OSBPL11: variants seen among roughly 807,000 people sequenced by gnomAD.
OSBPL11 encodes oxysterol binding protein like 11.
In OSBPL11, 33 loss-of-function variants were observed where a neutral mutation model predicts 84.4. The observed-to-expected ratio is 0.39, with a 90% CI of 0.30 to 0.52. OSBPL11 has a LOEUF of 0.52. OSBPL11 is among the 20% of genes least tolerant of loss of function. OSBPL11 has a pLI of 0.72. For missense variants in OSBPL11, 736 were observed against 901.1 expected (o/e 0.82, Z 2.35); for synonymous variants, 276 against 310.2 (o/e 0.89, Z 1.16).
At chr3:125,565,215 G>A (rs1010408248) in intron 6 of OSBPL11, among the ~76,000 whole-genome samples, 2 of 152,042 alleles carry the variant, frequency 1.3e-5, no homozygotes, top group Non-Finnish European at 2.9e-5. Context: ...CTGCACTCCC[G>A]CCTGGGCAAC....
chr3:125,579,599 T>G (rs1278955126), intron 3 of OSBPL11, among the ~76,000 whole-genome samples: 1 of 152,348 alleles, frequency 6.6e-6, no homozygotes, highest in East Asian at 1.9e-4. Flanking sequence ...AGTCTATGTT[T>G]CTAGATTTTC....
intron 11 of OSBPL11, among the ~76,000 whole-genome samples, chr3:125,535,117 C>G (rs1332998889): frequency 6.6e-6 from 1 of 151,768 alleles, no homozygotes; most frequent in South Asian, 2.1e-4. Flanking sequence ...TTTAGTCACA[C>G]TGATGAGAAA....
intron 1 of OSBPL11, among the ~76,000 whole-genome samples, chr3:125,584,669 G>C (rs775936809): frequency 2.0e-5 from 3 of 152,156 alleles, no homozygotes; most frequent in Non-Finnish European, 2.9e-5. Context: ...CTTTAAGACT[G>C]TATGTATTCT....
At position 125,530,579 on chromosome 3, in the gene OSBPL11, C is replaced by A; in HGVS notation, c.2180G>T (p.Gly727Val). Reference protein sequence around the residue: ...PWKTKYFIKEGDGWVYHKPLW... With the variant: ...PWKTKYFIKEVDGWVYHKPLW... ...TGGTTTATGATAAACCCAGCCATCT[C>A]CCTGAAACAAATAAAAAGATAAAGA... is the stretch of plus-strand genomic sequence containing the variant. Residue 727 changes from glycine (G) to valine (V), a missense_variant and splice_region_variant, in exon 13 of 13, where the codon GGA (glycine) becomes GTA (valine). By Grantham distance (109) the Gly-to-Val change is moderately radical. Coordinates refer to ENST00000296220, the MANE Select transcript of OSBPL11 (RefSeq NM_022776.5). The A allele has an allele frequency of 1.9e-6, 3 of 1,612,168 alleles. No homozygotes were observed. In the South Asian group the frequency reaches 3.3e-5, roughly 18 times the overall value.
At chr3:125,567,064 G>A (rs757317870) in intron 6 of OSBPL11, among the ~76,000 whole-genome samples, 4 of 152,138 alleles carry the variant, frequency 2.6e-5, no homozygotes, top group Admixed American at 6.5e-5. Flanking sequence ...TTGGTCAACT[G>A]GATGAACAGA....
At chr3:125,572,686 C>T (rs555306101) in intron 5 of OSBPL11, among the ~76,000 whole-genome samples, 38 of 151,986 alleles carry the variant, frequency 2.5e-4, no homozygotes, top group Admixed American at 1.4e-3. Context: ...CCTTGCCTTC[C>T]GCCATGATTG....
intron 4 of OSBPL11, among the ~76,000 whole-genome samples, chr3:125,577,214 T>TA (rs994005092): frequency 9.4e-5 from 14 of 149,270 alleles, no homozygotes; most frequent in South Asian, 4.2e-4. Flanking sequence ...GAAGAACGAT[T>TA]AAAAAAAAAA....
intron 4 of OSBPL11, among the ~76,000 whole-genome samples, chr3:125,577,222 A>T (rs1936339531): frequency 6.6e-6 from 1 of 152,212 alleles, no homozygotes; most frequent in Non-Finnish European, 1.5e-5. Flanking sequence ...ATTAAAAAAA[A>T]AATAGTAAAA....
rs766860792 is a variant in OSBPL11, at chr3:125,582,894, A to T, written c.233+16T>A. 3 of 1,565,002 alleles carry T rather than the reference A, an allele frequency of 1.9e-6. No individual in the cohort carries two copies. The highest frequency in any genetic ancestry group is 2.6e-6 in the Non-Finnish European group (3 of 1,148,050). On this transcript the variant is annotated intron_variant, in intron 2 of 12. Coordinates refer to ENST00000296220, the MANE Select transcript of OSBPL11 (RefSeq NM_022776.5). Reference sequence around the variant, plus strand: ...CTCTTAGGAGAGACTGATGTGACACAAATAATCACACTTACCTGTACTGCC... The same window carrying T: ...CTCTTAGGAGAGACTGATGTGACACTAATAATCACACTTACCTGTACTGCC...
rs532130436 is a variant in OSBPL11 at position 125,547,542 on chromosome 3, A to C, written c.1705T>G (p.Cys569Gly). The C allele has an allele frequency of 1.2e-6, 2 of 1,613,704 alleles. No individual in the cohort carries two copies. Among genetic ancestry groups the C allele is most frequent in the African/African-American group, 2.7e-5 (2 of 75,048 alleles). ...GTCAAAATTGACCGAGCATATGCAC[A>C]GGGTAGAGAAAATGTGTACTCTTCT... ...HGEEYTFSLP[C>G]AYARSILTVP... The change falls in exon 10 of 13, where the codon TGT becomes GGT. Residue 569 changes from cysteine to glycine, a missense_variant. By Grantham distance (159) the Cys-to-Gly change is radical. Around this residue, in one of 3 missense-constraint regions of OSBPL11, gnomAD observed 579 missense variants for 717.6 expected, o/e 0.81. Coordinates refer to ENST00000296220, the MANE Select transcript of OSBPL11 (RefSeq NM_022776.5).
In OSBPL11 at chr3:125,595,060, G is replaced by A. The variant is rs7625936; in HGVS notation, c.-260C>T. 111,107 of 392,890 alleles carry A rather than the reference G, an allele frequency of 0.28. 16,452 individuals carry two copies. Among genetic ancestry groups the A allele is most frequent in the African/African-American group, 0.37 (18,475 of 49,580 alleles). The allele number at this position is 392,890 out of a possible 1,614,324, so 24.3% of individuals were successfully genotyped here. On this transcript the variant is annotated 5_prime_UTR_variant, in exon 1 of 13. Coordinates refer to ENST00000296220, the MANE Select transcript of OSBPL11 (RefSeq NM_022776.5). ...CTCTCCTTTCCGGCAAAAGCAAGGA[G>A]GAAAAAGCATCCGGCGAGAAGACTT...
Position 125,578,910 on chromosome 3 carries a change from A to T in OSBPL11, c.489+50T>A, listed in dbSNP as rs750670467. On this transcript the variant is annotated intron_variant, in intron 4 of 12. Transcript: ENST00000296220. ...AATTTTAAAAGGCAAAAAATAAAAA[A>T]TATTCCTTCCTCATTTTTGTATATT... is the stretch of plus-strand genomic sequence containing the variant. 3.3e-5 allele frequency: 40 copies of T among 1,219,070 alleles called. 1 individual carries two copies. The highest frequency in any genetic ancestry group is 4.5e-5 in the Non-Finnish European group (40 of 882,434). 75.5% of individuals were successfully genotyped at this position (1,219,070 alleles called of 1,614,324 possible).
rs1935518431 is a variant in OSBPL11, at chr3:125,529,035, T to A, written c.*1480A>T. On this transcript the variant is annotated 3_prime_UTR_variant, in exon 13 of 13. Coordinates refer to ENST00000296220, the MANE Select transcript of OSBPL11 (RefSeq NM_022776.5). ...ACAATTTGTTGAAAAAATTATTGTT[T>A]TGCTGTTTTCATCCTACTAACCTCT... is the stretch of plus-strand genomic sequence containing the variant. The A allele has an allele frequency of 6.5e-6, 1 of 152,686 alleles. No homozygotes were observed. The allele number at this position is 152,686 out of a possible 1,614,324, so 9.5% of individuals were successfully genotyped here.
intron 1 of OSBPL11, among the ~76,000 whole-genome samples, chr3:125,586,409 TAA>T (rs1936511463): frequency 6.6e-6 from 1 of 152,258 alleles, no homozygotes; most frequent in African/African-American, 2.4e-5. Flanking sequence ...TAAACTGTGC[TAA>T]GTGGCTTTAT....
intron 1 of OSBPL11, among the ~76,000 whole-genome samples, chr3:125,592,605 G>A (rs1936614358): frequency 6.6e-6 from 1 of 152,136 alleles, no homozygotes; most frequent in Non-Finnish European, 1.5e-5. Context: ...AGCATTTCCA[G>A]AGAAGGAAAC....
At chr3:125,555,413 T>C (rs567365826) in intron 8 of OSBPL11, among the ~76,000 whole-genome samples, 104 of 152,314 alleles carry the variant, frequency 6.8e-4, no homozygotes, top group African/African-American at 2.5e-3. Context: ...CTCTTATTTC[T>C]GTCCTTCTAG....
intron 8 of OSBPL11, among the ~76,000 whole-genome samples, chr3:125,559,119 C>T (rs866589043): frequency 6.6e-6 from 1 of 152,162 alleles, no homozygotes; most frequent in South Asian, 2.1e-4. Context: ...ATAGCTACAA[C>T]AGAGACCTAT....
At chr3:125,594,463 CA>C (rs1936648640) in intron 1 of OSBPL11, among the ~76,000 whole-genome samples, 173 bp downstream of exon 1, 1 of 152,192 alleles carries the variant, frequency 6.6e-6, no homozygotes, top group Non-Finnish European at 1.5e-5. Context: ...GTTGAATGAA[CA>C]AATGAATGGA....
At chr3:125,549,342 T>G (rs554211026) in intron 9 of OSBPL11, among the ~76,000 whole-genome samples, 107 of 152,230 alleles carry the variant, frequency 7.0e-4, no homozygotes, top group Non-Finnish European at 1.3e-3. Context: ...GACTTTTACT[T>G]ACTTTCTGTT....
Sources: allele counts gnomAD v4.1 joint callset (sites outside exome capture counted in the v4.1 genomes callset), GRCh38; gene constraint gnomAD v4.1.1; regional missense constraint gnomAD v4.1.1; transcripts MANE v1.5; gene names NCBI Gene and HGNC (gene_info 2026-07-23, HGNC 2026-07-21).